RPS8: variants seen among roughly 807,000 people sequenced by gnomAD.
The protein encoded by RPS8 is ribosomal protein S8.
For missense variants in RPS8, 141 were observed against 269.7 expected (o/e 0.52, Z 3.34); for synonymous variants, 100 against 100.7 (o/e 0.99, Z 0.04).
At chr1:44,777,881 GGA>G in intron 4 of RPS8, 92 bp downstream of exon 4, 1 of 1,578,156 alleles carries the variant, frequency 6.3e-7, no homozygotes, top group Non-Finnish European at 8.7e-7. Flanking sequence ...GCTACTGAAG[GGA>G]GAGAGATGAG....
At chr1:44,775,727 T>C in intron 1 of RPS8, 127 bp downstream of exon 1, 2 of 1,308,166 alleles carry the variant, frequency 1.5e-6, no homozygotes, top group South Asian at 1.2e-5. Context: ...CGAGGAGTGG[T>C]GGCCCTCGGG....
chr1:44,775,677 G>A (rs1189463835), intron 1 of RPS8, 77 bp downstream of exon 1: 1 of 1,581,612 alleles, frequency 6.3e-7, no homozygotes, highest in South Asian at 1.1e-5. Flanking sequence ...ACAGCCTACT[G>A]AGGAGTCCAG....
chr1:44,776,709 G>C lies in RPS8; in HGVS notation c.146G>C (p.Arg49Pro). 1 of 1,613,798 alleles carries C rather than the reference G, an allele frequency of 6.2e-7. No individual in the cohort carries two copies. The highest frequency in any genetic ancestry group is 8.5e-7 in the Non-Finnish European group (1 of 1,179,910). The stretch of plus-strand genomic sequence containing the variant: ...CGCCGCATCCACACAGTCCGTGTGC[G>C]GGGAGGTAACAAGAAATACCGTGCC... ...GPRRIHTVRV[R>P]GGNKKYRALR... Residue 49 changes from arginine (R) to proline (P), a missense_variant, in exon 3 of 6, where the codon CGG (arginine) becomes CCG (proline). Physicochemically the swap from Arg to Pro is moderately radical, Grantham distance 103 (BLOSUM62 -2). Coordinates refer to ENST00000396651, the MANE Select transcript of RPS8 (RefSeq NM_001012.2).
intron 1 of RPS8, 54 bp from the exon 2 acceptor site, chr1:44,775,980 T>C (rs1284320223): frequency 6.4e-7 from 1 of 1,554,660 alleles, no homozygotes; most frequent in South Asian, 1.1e-5. Context: ...AGCTGGCGAG[T>C]CGCTAGCACC....
At chr1:44,776,235 C>T in intron 2 of RPS8, 95 bp downstream of exon 2, 2 of 890,146 alleles carry the variant, frequency 2.2e-6, no homozygotes, top group South Asian at 3.4e-5. Flanking sequence ...TGCGTTCTTT[C>T]TTGGGCTCTG....
At chr1:44,776,632 G>A (rs755914026) in intron 2 of RPS8, 43 bp from the exon 3 acceptor site, 2 of 1,559,732 alleles carry the variant, frequency 1.3e-6, no homozygotes, top group Admixed American at 1.7e-5. Context: ...CACTTGCCTT[G>A]CTCTCCTTGG....
At chr1:44,776,647 C>T in intron 2 of RPS8, 28 bp from the exon 3 acceptor site, 1 of 1,600,388 alleles carries the variant, frequency 6.2e-7, no homozygotes, top group Non-Finnish European at 8.6e-7. Flanking sequence ...CCTTGGTAAC[C>T]TAGTTCCTGT....
Position 44,775,580 on chromosome 1 carries a change from C to T in RPS8, c.-17C>T, listed in dbSNP as rs1270192691. ...CCGTGAATCTTTGCGGTTTCTCTTT[C>T]CAGCCAGCGCCGAGCGATGGGTGAG... On this transcript the variant is annotated 5_prime_UTR_variant, in exon 1 of 6. Coordinates refer to ENST00000396651, the MANE Select transcript of RPS8 (RefSeq NM_001012.2). 1.2e-6 allele frequency: 2 copies of T among 1,614,010 alleles called. No individual in the cohort carries two copies. Among genetic ancestry groups the T allele is most frequent in the Admixed American group, 1.7e-5 (1 of 60,006 alleles).
intron 1 of RPS8, 199 bp downstream of exon 1, chr1:44,775,799 C>T (rs1361973841): frequency 6.2e-6 from 5 of 801,794 alleles, no homozygotes; most frequent in Non-Finnish European, 1.0e-5. Flanking sequence ...TTCCGGGCCG[C>T]GGGCTGCGGG....
chr1:44,775,687 G>A (rs188487135), intron 1 of RPS8, 87 bp downstream of exon 1: 15 of 1,546,974 alleles, frequency 9.7e-6, no homozygotes, highest in Middle Eastern at 3.4e-4. Flanking sequence ...GAGGAGTCCA[G>A]ACGCCCCGAC....
At chr1:44,777,372 G>C in intron 3 of RPS8, 1 of 512,758 alleles carries the variant, frequency 2.0e-6, no homozygotes, top group Admixed American at 3.4e-5. Context: ...TGCCCGACCT[G>C]CTCTGATCTT....
At chr1:44,775,638 T>C (rs764866584) in intron 1 of RPS8, 38 bp downstream of exon 1, 42 of 1,612,374 alleles carry the variant, frequency 2.6e-5, no homozygotes, top group Admixed American at 5.0e-5. Context: ...TGAAGGGAGG[T>C]TGAGCTCAAT....
intron 1 of RPS8, 197 bp downstream of exon 1, chr1:44,775,797 C>CGCGGGCT (rs900046274): frequency 1.4e-5 from 12 of 841,640 alleles, no homozygotes; most frequent in Admixed American, 2.4e-5. Flanking sequence ...GGTTCCGGGC[C>CGCGGGCT]GCGGGCTGCG....
chr1:44,776,638 C>G, intron 2 of RPS8, 37 bp from the exon 3 acceptor site: 2 of 1,585,160 alleles, frequency 1.3e-6, no homozygotes, highest in Non-Finnish European at 8.7e-7. Context: ...CCTTGCTCTC[C>G]TTGGTAACCT....
chr1:44,778,366 T>C, intron 5 of RPS8: 1 of 799,270 alleles, frequency 1.3e-6, no homozygotes, highest in East Asian at 2.4e-5. Context: ...TTTGGGGAAG[T>C]CTCTGCCCAG....
At chr1:44,776,175 T>A (rs1260279438) in intron 2 of RPS8, 35 bp downstream of exon 2, 1 of 1,473,348 alleles carries the variant, frequency 6.8e-7, no homozygotes, top group Non-Finnish European at 9.2e-7. Flanking sequence ...GCCTGGGAGG[T>A]CGCCTTCCCC....
rs762187452 is a variant in RPS8 at position 44,775,562 on chromosome 1, T to C, written c.-35T>C. 42 of 1,613,822 alleles carry C rather than the reference T, an allele frequency of 2.6e-5. No homozygotes were observed. The highest frequency in any genetic ancestry group is 3.4e-5 in the Non-Finnish European group (40 of 1,179,858). ...AGCGTTTTACAAACCGAACCGTGAATCTTTGCGGTTTCTCTTTCCAGCCAG... is the reference window on the plus strand; with the variant it reads ...AGCGTTTTACAAACCGAACCGTGAACCTTTGCGGTTTCTCTTTCCAGCCAG... On this transcript the variant is annotated 5_prime_UTR_variant, in exon 1 of 6. Coordinates refer to ENST00000396651, the MANE Select transcript of RPS8 (RefSeq NM_001012.2).
intron 5 of RPS8, 170 bp from the exon 6 acceptor site, chr1:44,778,405 CT>C (rs776383643): frequency 2.1e-5 from 17 of 811,650 alleles, no homozygotes; most frequent in Non-Finnish European, 3.6e-5. Flanking sequence ...GTGATGAAAA[CT>C]TTGTCCAGTT....
intron 3 of RPS8, 24 bp from the exon 4 acceptor site, chr1:44,777,590 A>G (rs778296022): frequency 1.9e-6 from 3 of 1,604,370 alleles, no homozygotes; most frequent in Non-Finnish European, 2.6e-6. Context: ...AGTTTACTTG[A>G]TGCCAAATTT....
Sources: allele counts gnomAD v4.1 joint callset, GRCh38; gene constraint gnomAD v4.1.1; transcripts MANE v1.5; gene names NCBI Gene and HGNC (gene_info 2026-07-23, HGNC 2026-07-21).